The following RPAP2 variants were observed in gnomAD, a reference collection of about 807,000 sequenced individuals.
RPAP2 encodes the protein RNA polymerase II associated protein 2, also known as putative RNA polymerase II subunit B1 CTD phosphatase RPAP2.
In RPAP2, 52 loss-of-function variants were observed where a neutral mutation model predicts 73.1. The ratio of observed to expected loss-of-function variants is 0.71; its 90% confidence interval spans 0.57 to 0.90. RPAP2 has a LOEUF of 0.90. RPAP2 is among the 40% of genes least tolerant of loss of function. The probability of loss-of-function intolerance (pLI) is 0.00; values close to 1 mark genes in which losing one functional copy is unlikely to be tolerated. For synonymous variants in RPAP2, 225 were observed against 242.1 expected (o/e 0.93, Z 0.65); for missense variants, 598 against 701.8 (o/e 0.85, Z 1.67).
intron 10 of RPAP2, among the ~76,000 whole-genome samples, chr1:92,339,421 T>C (rs2101264610): frequency 6.6e-6 from 1 of 151,160 alleles, no homozygotes; most frequent in South Asian, 2.1e-4. Context: ...GTGATTTTAA[T>C]GGGTAGTCAA....
At chr1:92,343,321 A>C (rs1653700618) in intron 10 of RPAP2, among the ~76,000 whole-genome samples, 1 of 152,166 alleles carries the variant, frequency 6.6e-6, no homozygotes, top group African/African-American at 2.4e-5. Context: ...CCTCACAAGA[A>C]CCCTGTGAGG....
At chr1:92,357,122 A>C (rs950922235) in intron 11 of RPAP2, among the ~76,000 whole-genome samples, 2 of 139,506 alleles carry the variant, frequency 1.4e-5, no homozygotes, top group South Asian at 2.4e-4. Context: ...CACACACACA[A>C]ACAGATGTTT....
chr1:92,377,197 C>A (rs1431077251), intron 11 of RPAP2, among the ~76,000 whole-genome samples: 1 of 152,086 alleles, frequency 6.6e-6, no homozygotes, highest in Non-Finnish European at 1.5e-5. Context: ...CCAAGTCATA[C>A]AAGCATTCCT....
At chr1:92,316,762 A>C (rs1488817010) in intron 6 of RPAP2, among the ~76,000 whole-genome samples, 1 of 152,228 alleles carries the variant, frequency 6.6e-6, no homozygotes, top group Middle Eastern at 3.2e-3. Flanking sequence ...TTTGGATTTC[A>C]TCTAAGAAAG....
chr1:92,332,752 T>G (rs1653048159), intron 8 of RPAP2, among the ~76,000 whole-genome samples: 1 of 152,152 alleles, frequency 6.6e-6, no homozygotes, highest in African/African-American at 2.4e-5. Flanking sequence ...TACCCCTGCC[T>G]TCTTGAAGGA....
At chr1:92,373,770 A>AAT (rs1557630371) in intron 11 of RPAP2, among the ~76,000 whole-genome samples, 4 of 138,400 alleles carry the variant, frequency 2.9e-5, no homozygotes, top group East Asian at 4.0e-4. Context: ...AAAAAAAAAA[A>AAT]GTAGCCAGGC....
rs1571082164 is a variant in RPAP2, at chr1:92,336,513, G to A, written c.1619+86G>A. On this transcript the variant is annotated intron_variant, in intron 10 of 12. Transcript: ENST00000610020. ...GAATCCAAAGGCACAGAGAAAGTAA[G>A]TGACTTACCTTTCAATGTCACAGAT... is the stretch of plus-strand genomic sequence containing the variant. 4.6e-6 allele frequency: 4 copies of A among 862,416 alleles called. No individual in the cohort carries two copies. The East Asian group carries it at 7.4e-5, about 16-fold the overall frequency. 53.4% of individuals were successfully genotyped at this position (862,416 alleles called of 1,614,324 possible).
At chr1:92,361,056 T>G (rs1363783425) in intron 11 of RPAP2, among the ~76,000 whole-genome samples, 1 of 151,032 alleles carries the variant, frequency 6.6e-6, no homozygotes, top group Non-Finnish European at 1.5e-5. Context: ...CATAAACATG[T>G]AATTTACCAA....
chr1:92,368,357 C>T (rs1258167676), intron 11 of RPAP2, among the ~76,000 whole-genome samples: 1 of 151,948 alleles, frequency 6.6e-6, no homozygotes, highest in Non-Finnish European at 1.5e-5. Context: ...CTAGCCTGGG[C>T]GACAGAGCAA....
At chr1:92,324,594 G>A (rs1401878294) in intron 8 of RPAP2, among the ~76,000 whole-genome samples, 1 of 152,160 alleles carries the variant, frequency 6.6e-6, no homozygotes, top group East Asian at 1.9e-4. Flanking sequence ...TCATCAGTGT[G>A]CAATATTTTT....
At chr1:92,379,643 G>A (rs1054081049) in intron 11 of RPAP2, among the ~76,000 whole-genome samples, 6 of 152,090 alleles carry the variant, frequency 3.9e-5, no homozygotes, top group Admixed American at 3.9e-4. Context: ...GTTTTAAAAA[G>A]AAAAATGTTA....
At chr1:92,370,013 T>C (rs573194192) in intron 11 of RPAP2, among the ~76,000 whole-genome samples, 1 of 152,294 alleles carries the variant, frequency 6.6e-6, no homozygotes, top group South Asian at 2.1e-4. Context: ...TCCTCCCAAG[T>C]AGCTGGGACT....
chr1:92,316,214 AG>A (rs1389123444), intron 6 of RPAP2, among the ~76,000 whole-genome samples: 1 of 152,200 alleles, frequency 6.6e-6, no homozygotes, highest in African/African-American at 2.4e-5. Context: ...GGTCCAGAGT[AG>A]GGGATTTCAC....
chr1:92,369,916 G>A (rs1655080376), intron 11 of RPAP2, among the ~76,000 whole-genome samples: 1 of 152,084 alleles, frequency 6.6e-6, no homozygotes, highest in Non-Finnish European at 1.5e-5. Flanking sequence ...CAAGAGTCTT[G>A]CTCTGTCACC....
intron 8 of RPAP2, among the ~76,000 whole-genome samples, chr1:92,329,741 T>C (rs1252481190): frequency 6.6e-6 from 1 of 152,142 alleles, no homozygotes; most frequent in Non-Finnish European, 1.5e-5. Flanking sequence ...TATAATAAAC[T>C]CAACTTGATT....
intron 11 of RPAP2, among the ~76,000 whole-genome samples, chr1:92,351,607 G>A (rs1281525996): frequency 6.6e-6 from 1 of 152,054 alleles, no homozygotes; most frequent in East Asian, 1.9e-4. Flanking sequence ...CCAGTCTTCT[G>A]TGACCTCTGT....
At chr1:92,346,573 T>C (rs1259417634) in intron 11 of RPAP2, among the ~76,000 whole-genome samples, 1 of 152,236 alleles carries the variant, frequency 6.6e-6, no homozygotes, top group Non-Finnish European at 1.5e-5. Context: ...GGCTTCATTA[T>C]TTTACATCTG....
intron 7 of RPAP2, among the ~76,000 whole-genome samples, chr1:92,321,417 T>C (rs1652251870): frequency 6.6e-6 from 1 of 152,070 alleles, no homozygotes. Flanking sequence ...AAACTAACTT[T>C]TCATCTTTTT....
chr1:92,327,418 C>T (rs910144810), intron 8 of RPAP2, among the ~76,000 whole-genome samples: 2 of 152,206 alleles, frequency 1.3e-5, no homozygotes, highest in African/African-American at 4.8e-5. Flanking sequence ...TAATGTCCCT[C>T]TTTGTCTTTT....
Sources: allele counts gnomAD v4.1 joint callset (sites outside exome capture counted in the v4.1 genomes callset), GRCh38; gene constraint gnomAD v4.1.1; transcripts MANE v1.5; gene names NCBI Gene and HGNC (gene_info 2026-07-23, HGNC 2026-07-21).